The following MYOM1 variants were observed in gnomAD, a reference collection of about 807,000 sequenced individuals.
The protein encoded by MYOM1 is myomesin 1, also known as myomesin-1.
A neutral mutation model predicts 205.3 loss-of-function variants in MYOM1; 164 were observed. The observed-to-expected ratio is 0.80, with a 90% CI of 0.70 to 0.91. The LOEUF is 0.91. Among genes scored for constraint, MYOM1 ranks in the 40% least tolerant of loss-of-function variants. The pLI is 0.00. For synonymous variants in MYOM1, 772 were observed against 789.4 expected (o/e 0.98, Z 0.37); for missense variants, 2,011 against 2,127.3 (o/e 0.95, Z 1.08).
the MYOM1 span, among the ~76,000 whole-genome samples, chr18:3,227,287 A>T: frequency 6.6e-6 from 1 of 152,164 alleles, no homozygotes; most frequent in Admixed American, 6.5e-5. Flanking sequence ...ATTCAGCCTT[A>T]AAAAGGAGTG....
intron 12 of MYOM1, among the ~76,000 whole-genome samples, chr18:3,149,629 G>C (rs1598723915): frequency 6.6e-6 from 1 of 152,206 alleles, no homozygotes; most frequent in East Asian, 1.9e-4. Flanking sequence ...AAGAGGAGAG[G>C]GGGTGCCGAT....
intron 14 of MYOM1, among the ~76,000 whole-genome samples, chr18:3,139,644 G>A (rs1490546707): frequency 6.6e-6 from 1 of 152,180 alleles, no homozygotes; most frequent in Admixed American, 6.5e-5. Context: ...CATTTGGATG[G>A]TTCTGCAAAT....
chr18:3,164,422 A>T lies in MYOM1; in HGVS notation c.1357T>A (p.Ser453Thr). The T allele has an allele frequency of 6.2e-7, 1 of 1,603,878 alleles. No homozygotes were observed. Among genetic ancestry groups the T allele is most frequent in the Non-Finnish European group, 8.5e-7 (1 of 1,175,888 alleles). ...WYRNGVPLSP[S>T]KWVQTLWSGE... is the part of the protein sequence containing the mutation. ...CTCCAAAGTGTTTGCACCCATTTTG[A>T]TGGAGAAAGAGGTACTCCTAGAAAT... The change falls in exon 10 of 38, where the codon TCA becomes ACA. Residue 453 changes from serine to threonine, a missense_variant. Transcript: ENST00000356443.
the MYOM1 span, among the ~76,000 whole-genome samples, chr18:3,237,180 T>C: frequency 6.6e-6 from 1 of 152,190 alleles, no homozygotes; most frequent in Non-Finnish European, 1.5e-5. Flanking sequence ...TGGGTTTGTA[T>C]ACCCATGTTC....
In MYOM1 at chr18:3,188,665, CTA is replaced by C. The variant is rs1491296228; in HGVS notation, c.771+81_771+82del. ...AAAAAAGAAACAAATCAATCTATAT[CTA>C]CACACACACACACACACACACACAC... On this transcript the variant is annotated intron_variant, in intron 4 of 37. Coordinates refer to ENST00000356443, the MANE Select transcript of MYOM1 (RefSeq NM_003803.4). The C allele has an allele frequency of 5.7e-6, 7 of 1,222,022 alleles. No individual in the cohort carries two copies. The East Asian group carries it at 1.6e-4, about 28-fold the overall frequency. The allele number at this position is 1,222,022 out of a possible 1,614,324, so 75.7% of individuals were successfully genotyped here. A position where few individuals can be genotyped will look rare whatever the true frequency, so the allele number is the denominator to read the frequency against.
chr18:3,072,934 T>C (rs552312883), intron 36 of MYOM1, among the ~76,000 whole-genome samples: 86 of 150,868 alleles, frequency 5.7e-4, no homozygotes, highest in African/African-American at 1.9e-3. Context: ...ATGGAAGGGC[T>C]ACATGCTAGG....
At chr18:3,174,078 A>AC (rs1555626691) in intron 7 of MYOM1, 42 bp downstream of exon 7, 10 of 1,601,942 alleles carry the variant, frequency 6.2e-6, no homozygotes, top group Middle Eastern at 3.3e-4. Flanking sequence ...AATTTTTAAA[A>AC]ACACACACAC....
In MYOM1 at chr18:3,151,907, C is replaced by T. The variant is rs767813922; in HGVS notation, c.1644-14G>A. On this transcript the variant is annotated splice_polypyrimidine_tract_variant and intron_variant, in intron 11 of 37. Coordinates refer to ENST00000356443, the MANE Select transcript of MYOM1 (RefSeq NM_003803.4). ...CCCACCTCACACCTAAAGGAATGAG[C>T]GTGATTGACAAAAATATTAAAAGAA... 8.7e-6 allele frequency: 14 copies of T among 1,603,548 alleles called. No homozygotes were observed. Among genetic ancestry groups the T allele is most frequent in the South Asian group, 5.5e-5 (5 of 90,228 alleles).
intron 34 of MYOM1, among the ~76,000 whole-genome samples, chr18:3,078,103 G>A (rs969295230): frequency 2.8e-4 from 42 of 151,566 alleles, no homozygotes; most frequent in South Asian, 2.1e-4. Context: ...GTACAGTGGC[G>A]TGATCTCAAA....
At chr18:3,180,614 C>T (rs984020868) in intron 5 of MYOM1, among the ~76,000 whole-genome samples, 3 of 152,206 alleles carry the variant, frequency 2.0e-5, no homozygotes, top group African/African-American at 7.2e-5. Context: ...GGTTAATCCA[C>T]ACCCTGGGAT....
At chr18:3,114,544 A>ATTTTTTTTTT (rs5822738) in intron 21 of MYOM1, among the ~76,000 whole-genome samples, 51 of 88,344 alleles carry the variant, frequency 5.8e-4, no homozygotes, top group African/African-American at 2.2e-3. Flanking sequence ...TGGTCAGCTA[A>ATTTTTTTTTT]TTTTTTTTTT....
At position 3,086,109 on chromosome 18, in the gene MYOM1, C is replaced by T; in HGVS notation, c.4180G>A (p.Asp1394Asn). 1 of 1,611,698 alleles carries T rather than the reference C, an allele frequency of 6.2e-7. No individual in the cohort carries two copies. The highest frequency in any genetic ancestry group is 8.5e-7 in the Non-Finnish European group (1 of 1,179,010). The change falls in exon 30 of 38, where the codon GAT becomes AAT. Residue 1394 changes from aspartate to asparagine, a missense_variant. By Grantham distance (23) the Asp-to-Asn change is conservative. Coordinates refer to ENST00000356443, the MANE Select transcript of MYOM1 (RefSeq NM_003803.4). Reference protein sequence around the residue: ...KKETHIVWYKDEREISVDEKH... With the variant: ...KKETHIVWYKNEREISVDEKH... ...TCATCCACTGATATCTCCCTCTCATCTTTGTACCACACAATATGAGTCTCC... is the reference window on the plus strand; with the variant it reads ...TCATCCACTGATATCTCCCTCTCATTTTTGTACCACACAATATGAGTCTCC...
At chr18:3,150,038 G>A (rs1247475726) in intron 12 of MYOM1, among the ~76,000 whole-genome samples, 1 of 152,116 alleles carries the variant, frequency 6.6e-6, no homozygotes, top group Non-Finnish European at 1.5e-5. Flanking sequence ...ATGAGACACG[G>A]TTGCCGGGGA....
intron 2 of MYOM1, among the ~76,000 whole-genome samples, chr18:3,203,772 T>A (rs1217118037): frequency 6.6e-6 from 1 of 151,368 alleles, no homozygotes; most frequent in Non-Finnish European, 1.5e-5. Context: ...ACTTTCCAAC[T>A]CATTCTACAA....
At chr18:3,070,967 C>T (rs958854641) in intron 37 of MYOM1, among the ~76,000 whole-genome samples, 6 of 152,066 alleles carry the variant, frequency 3.9e-5, no homozygotes, top group African/African-American at 1.4e-4. Context: ...TCGTGTTGCC[C>T]AGGCTGGTCT....
rs2079657212 is a variant in MYOM1 at position 3,119,747 on chromosome 18, G to A, written c.3118+122C>T. The A allele has an allele frequency of 3.2e-6, 4 of 1,252,052 alleles. No homozygotes were observed. The Admixed American group carries it at 9.0e-5, about 28-fold the overall frequency. 77.6% of individuals were successfully genotyped at this position (1,252,052 alleles called of 1,614,324 possible). A position where few individuals can be genotyped will look rare whatever the true frequency, so the allele number is the denominator to read the frequency against. On this transcript the variant is annotated intron_variant, in intron 20 of 37. Coordinates refer to ENST00000356443, the MANE Select transcript of MYOM1 (RefSeq NM_003803.4). ...TAAAATATTTTAGGTAAACACAAGG[G>A]GCCAAGAGAATTCTTTTCCCTTAAA... is the stretch of plus-strand genomic sequence containing the variant.
At chr18:3,169,545 T>C (rs1268035584) in intron 8 of MYOM1, among the ~76,000 whole-genome samples, 1 of 152,144 alleles carries the variant, frequency 6.6e-6, no homozygotes, top group Non-Finnish European at 1.5e-5. Context: ...CCAACCGGTA[T>C]ACGGAAAAAT....
At chr18:3,213,668 T>G (rs966133647) in intron 2 of MYOM1, among the ~76,000 whole-genome samples, 3 of 152,218 alleles carry the variant, frequency 2.0e-5, no homozygotes, top group African/African-American at 7.2e-5. Context: ...CGTCCTTCTT[T>G]GAGTGACTAT....
chr18:3,193,775 A>G (rs781392817), intron 3 of MYOM1, 43 bp downstream of exon 3: 5 of 1,595,332 alleles, frequency 3.1e-6, no homozygotes, highest in Middle Eastern at 1.7e-4. Flanking sequence ...CACTTACTAT[A>G]TACTTCTTAA....
Sources: allele counts gnomAD v4.1 joint callset (sites outside exome capture counted in the v4.1 genomes callset), GRCh38; gene constraint gnomAD v4.1.1; transcripts MANE v1.5; gene names NCBI Gene and HGNC (gene_info 2026-07-23, HGNC 2026-07-21).